The following ZNF333 variants were observed in gnomAD, a reference collection of about 807,000 sequenced individuals.
ZNF333 encodes the protein zinc finger protein 333.
A neutral mutation model predicts 76.1 loss-of-function variants in ZNF333; 61 were observed. The ratio of observed to expected loss-of-function variants is 0.80; its 90% CI spans 0.65 to 0.99. The LOEUF is 0.99. Ranked by LOEUF, ZNF333 falls within the 50% of genes least tolerant of loss-of-function variation. The pLI is 0.00. For synonymous variants in ZNF333, 284 were observed against 305.0 expected, an observed-to-expected ratio of 0.93 and a Z score of 0.72; for missense variants, 717 against 822.4, an observed-to-expected ratio of 0.87 and a Z score of 1.57.
chr19:14,719,066 A>G lies in ZNF333; in HGVS notation c.1739A>G (p.His580Arg), dbSNP rs1032679817. 4 of 1,614,088 alleles carry G rather than the reference A, an allele frequency of 2.5e-6. No homozygotes were observed. The highest frequency in any genetic ancestry group is 3.4e-6 in the Non-Finnish European group (4 of 1,180,042). ...AGTGAGCCCTCATCCCTCAGGAAAC[A>G]TGCAAGGACTCACAGTGGCAAGAAG... is the stretch of plus-strand genomic sequence containing the variant. ...AFSEPSSLRK[H>R]ARTHSGKKPY... The change falls in exon 12 of 12, where the codon CAT becomes CGT. Residue 580 changes from histidine (H) to arginine (R), a missense_variant. By Grantham distance (29) the His-to-Arg change is conservative (BLOSUM62 0). Coordinates refer to ENST00000292530, the MANE Select transcript of ZNF333 (RefSeq NM_032433.4).
chr19:14,698,899 G>GATATATAGATAT (rs1555771041), intron 4 of ZNF333, among the ~76,000 whole-genome samples: 2 of 132,710 alleles, frequency 1.5e-5, no homozygotes, highest in African/African-American at 5.6e-5. Flanking sequence ...CACAAATATA[G>GATATATAGATAT]ATATATATAT....
intron 1 of ZNF333, 150 bp downstream of exon 1, chr19:14,690,300 G>T (rs1972660854): frequency 6.6e-6 from 1 of 152,482 alleles, no homozygotes; most frequent in Non-Finnish European, 1.5e-5. Context: ...CACAGTCAGG[G>T]CCTCGCATCT....
Position 14,721,632 on chromosome 19 carries a change from TAGTCTG to T in ZNF333, c.*2309_*2314del, listed in dbSNP as rs2042588744. 1 of 152,240 alleles carries T rather than the reference TAGTCTG, an allele frequency of 6.6e-6. No homozygotes were observed. The highest frequency in any genetic ancestry group is 1.5e-5 in the Non-Finnish European group (1 of 68,040). The allele number at this position is 152,240 out of a possible 1,614,324, so 9.4% of individuals were successfully genotyped here. Reference sequence around the variant, plus strand: ...TTTTTAATTGCTGTGTAATAGTCCATAGTCTGAATATACCACAATTTAAAAATTCTA... The same window carrying T: ...TTTTTAATTGCTGTGTAATAGTCCATAATATACCACAATTTAAAAATTCTA... On this transcript the variant is annotated 3_prime_UTR_variant, in exon 12 of 12. Coordinates refer to ENST00000292530, the MANE Select transcript of ZNF333 (RefSeq NM_032433.4).
intron 11 of ZNF333, 76 bp from the exon 12 acceptor site, chr19:14,718,152 A>T: frequency 6.6e-7 from 1 of 1,519,596 alleles, no homozygotes; most frequent in Non-Finnish European, 8.8e-7. Flanking sequence ...TCTTTTTCTT[A>T]CATTCATTTC....
At chr19:14,722,404 T>C (rs568078975), downstream of ZNF333, among the ~76,000 whole-genome samples, 17 of 152,368 alleles carry the variant, frequency 1.1e-4, no homozygotes, top group African/African-American at 4.1e-4. Context: ...GTTGTGACCA[T>C]TTGTATGTCA....
At chr19:14,708,602 T>A in intron 7 of ZNF333, 1 of 372,708 alleles carries the variant, frequency 2.7e-6, no homozygotes, top group Non-Finnish European at 4.8e-6. Flanking sequence ...AATGGGCCTG[T>A]TCACTCTCAG....
At chr19:14,701,405 G>GCACC (rs1205699501) in intron 5 of ZNF333, among the ~76,000 whole-genome samples, 1 of 152,164 alleles carries the variant, frequency 6.6e-6, no homozygotes, top group Non-Finnish European at 1.5e-5. Context: ...ACACCTGGCT[G>GCACC]ATTTTAAAAA....
At chr19:14,731,340 A>G in exon 12 of ZNF333, 1 of 729,418 alleles carries the variant, frequency 1.4e-6, no homozygotes, top group Non-Finnish European at 2.3e-6. Context: ...TCAAACTTCC[A>G]GTTCCGTGAC....
chr19:14,697,341 A>G (rs1315231540), intron 4 of ZNF333, among the ~76,000 whole-genome samples: 1 of 114,990 alleles, frequency 8.7e-6, no homozygotes, highest in Non-Finnish European at 1.9e-5. Flanking sequence ...TGTGTACAAT[A>G]TTTCTTTTTT....
chr19:14,718,169 G>T, intron 11 of ZNF333, 59 bp from the exon 12 acceptor site: 1 of 1,540,608 alleles, frequency 6.5e-7, no homozygotes, highest in South Asian at 1.3e-5. Flanking sequence ...TTTCACATAG[G>T]GGAGAATATC....
chr19:14,733,267 T>G (rs747529020), exon 12 of ZNF333: 1 of 152,222 alleles, frequency 6.6e-6, no homozygotes, highest in Non-Finnish European at 1.5e-5. Context: ...ACCGCCACTT[T>G]AAGTTTCAGC....
At chr19:14,723,467 T>C (rs886488019), downstream of ZNF333, among the ~76,000 whole-genome samples, 1 of 152,260 alleles carries the variant, frequency 6.6e-6, no homozygotes, top group African/African-American at 2.4e-5. Flanking sequence ...TGCAAAAATA[T>C]TAAGTCATTC....
rs1242692689 is a variant in ZNF333 at position 14,696,494 on chromosome 19, C to T, written c.223+833C>T. ...AGTTTTGTGTTGCAAGTAAGTTAGACTGGGTAGTTTATAAACAATAGAAGT... is the reference window on the plus strand; with the variant it reads ...AGTTTTGTGTTGCAAGTAAGTTAGATTGGGTAGTTTATAAACAATAGAAGT... On this transcript the variant is annotated intron_variant, in intron 4 of 11. Transcript: ENST00000292530. Among the ~76,000 whole-genome samples, 10 of 152,140 alleles carry T rather than the reference C, an allele frequency of 6.6e-5. No homozygotes were observed. The East Asian group carries it at 1.9e-3, about 29-fold the overall frequency.
intron 6 of ZNF333, chr19:14,706,136 T>G: frequency 2.2e-6 from 1 of 457,582 alleles, no homozygotes; most frequent in Non-Finnish European, 4.4e-6. Context: ...AGAGCCACCG[T>G]TAGTTCTCCT....
chr19:14,728,111 G>C (rs1030944499), intron 11 of ZNF333, among the ~76,000 whole-genome samples: 1 of 152,324 alleles, frequency 6.6e-6, no homozygotes, highest in South Asian at 2.1e-4. Flanking sequence ...TACTCGGGAG[G>C]CTGAGGCAGG....
Position 14,718,950 on chromosome 19 carries a change from G to A in ZNF333, c.1623G>A (p.Gln541=), listed in dbSNP as rs781575645. 1.9e-6 allele frequency: 3 copies of A among 1,612,798 alleles called. No individual in the cohort carries two copies. In the Admixed American group the frequency reaches 5.0e-5, roughly 27 times the overall value. The part of the protein sequence containing the change: ...EKLYECATCG[Q]VLSRLSTLKS... ...TGTATGAGTGCGCGACTTGCGGTCAGGTCTTGAGTCGTCTTTCAACCCTGA... is the reference window on the plus strand; with the variant it reads ...TGTATGAGTGCGCGACTTGCGGTCAAGTCTTGAGTCGTCTTTCAACCCTGA... Residue 541 remains glutamine (Q), a synonymous_variant, in exon 12 of 12, where the codon CAG becomes CAA. Transcript: ENST00000292530.
exon 12 of ZNF333, chr19:14,732,389 A>C (rs2042679298): frequency 6.6e-6 from 1 of 152,246 alleles, no homozygotes; most frequent in Non-Finnish European, 1.5e-5. Context: ...CTGGGAAACC[A>C]AAAAATGTGT....
chr19:14,705,746 A>G (rs1385967221), intron 6 of ZNF333, among the ~76,000 whole-genome samples: 1 of 152,244 alleles, frequency 6.6e-6, no homozygotes, highest in Non-Finnish European at 1.5e-5. Context: ...GATCAGCAGC[A>G]GCTGATCCTA....
downstream of ZNF333, among the ~76,000 whole-genome samples, chr19:14,724,715 G>A (rs532869327): frequency 1.3e-5 from 2 of 149,020 alleles, no homozygotes; most frequent in East Asian, 2.0e-4. Flanking sequence ...GCAGTGAGCC[G>A]ACATCATGCC....
Sources: allele counts gnomAD v4.1 joint callset (sites outside exome capture counted in the v4.1 genomes callset), GRCh38; gene constraint gnomAD v4.1.1; transcripts MANE v1.5; gene names NCBI Gene and HGNC (gene_info 2026-07-23, HGNC 2026-07-21).